KIAA0825: variants seen among roughly 807,000 people sequenced by gnomAD.
KIAA0825 encodes the protein uncharacterized protein KIAA0825.
In KIAA0825, 119 loss-of-function variants were observed where a neutral mutation model predicts 147.6. The ratio of observed to expected loss-of-function variants is 0.81; its 90% CI spans 0.69 to 0.94. The LOEUF is 0.94. Among genes scored for constraint, KIAA0825 ranks in the 40% least tolerant of loss-of-function variants. KIAA0825 has a pLI of 0.00. For missense variants in KIAA0825, 1,381 were observed against 1,472.7 expected, an observed-to-expected ratio of 0.94 and a Z score of 1.02; for synonymous variants, 470 against 518.1, an observed-to-expected ratio of 0.91 and a Z score of 1.26.
rs564316383 is a variant in KIAA0825 at position 94,275,669 on chromosome 5, G to A, written c.3710+108699C>T. On this transcript the variant is annotated intron_variant, in intron 20 of 20. Transcript: ENST00000682413. ...GACAAGATTTCTGTGGTCATGTAAT[G>A]TCAATTTAAAAGACATCACTAAATG... Among the ~76,000 whole-genome samples the A allele has an allele frequency of 2.6e-5, 4 of 152,256 alleles. No individual in the cohort carries two copies. The South Asian group carries it at 8.3e-4, about 32-fold the overall frequency.
At chr5:94,464,072 A>G (rs1158802797) in intron 11 of KIAA0825, among the ~76,000 whole-genome samples, 1 of 151,184 alleles carries the variant, frequency 6.6e-6, no homozygotes, top group Non-Finnish European at 1.5e-5. Context: ...GCCAAAAAAA[A>G]AAAAAAAAAA....
intron 13 of KIAA0825, among the ~76,000 whole-genome samples, chr5:94,440,550 T>C (rs1410478080): frequency 6.6e-6 from 1 of 152,176 alleles, no homozygotes; most frequent in Non-Finnish European, 1.5e-5. Context: ...TAATTTGCTA[T>C]ATAATGTGAT....
intron 20 of KIAA0825, among the ~76,000 whole-genome samples, chr5:94,209,290 A>C (rs1051929827): frequency 2.0e-5 from 3 of 152,218 alleles, no homozygotes; most frequent in East Asian, 3.8e-4. Flanking sequence ...AACACACATA[A>C]CACATACACA....
At chr5:94,475,827 A>G (rs1473309987) in intron 7 of KIAA0825, among the ~76,000 whole-genome samples, 2 of 152,180 alleles carry the variant, frequency 1.3e-5, no homozygotes, top group African/African-American at 4.8e-5. Context: ...AAAGAAAAGA[A>G]AAGAAAAGAA....
intron 20 of KIAA0825, among the ~76,000 whole-genome samples, chr5:94,365,037 C>T (rs1045247681): frequency 1.3e-5 from 2 of 152,084 alleles, no homozygotes; most frequent in African/African-American, 4.8e-5. Flanking sequence ...CAGGCAAAGA[C>T]GCCATTTGCA....
intron 20 of KIAA0825, among the ~76,000 whole-genome samples, chr5:94,209,012 G>T (rs1011947138): frequency 6.6e-6 from 1 of 152,172 alleles, no homozygotes; most frequent in Non-Finnish European, 1.5e-5. Context: ...TACATTTTCA[G>T]TGAGTGCTCT....
At chr5:94,329,946 T>C (rs1461382626) in intron 20 of KIAA0825, among the ~76,000 whole-genome samples, 2 of 151,876 alleles carry the variant, frequency 1.3e-5, no homozygotes, top group African/African-American at 4.8e-5. Context: ...GCAGACAGAG[T>C]AAGATGAAGA....
At chr5:94,460,704 T>C (rs1759712370) in intron 12 of KIAA0825, among the ~76,000 whole-genome samples, 1 of 152,072 alleles carries the variant, frequency 6.6e-6, no homozygotes. Context: ...TCAGTAGAGT[T>C]CTTGCAACAC....
intron 20 of KIAA0825, among the ~76,000 whole-genome samples, chr5:94,382,502 A>G (rs1748556986): frequency 6.6e-6 from 1 of 152,196 alleles, no homozygotes; most frequent in South Asian, 2.1e-4. Context: ...AATCCTTCTA[A>G]GGTGGATCAA....
At chr5:94,244,569 T>C (rs991050010) in intron 20 of KIAA0825, among the ~76,000 whole-genome samples, 1 of 152,166 alleles carries the variant, frequency 6.6e-6, no homozygotes, top group Non-Finnish European at 1.5e-5. Context: ...ACTCCTTGTC[T>C]CAAGCAATCC....
intron 20 of KIAA0825, among the ~76,000 whole-genome samples, chr5:94,189,009 G>A (rs556707301): frequency 1.3e-5 from 2 of 152,180 alleles, no homozygotes; most frequent in Admixed American, 6.5e-5. Flanking sequence ...AGTAATTTAC[G>A]TTTCCCTGAG....
At chr5:94,540,810 A>G (rs1027565812) in intron 2 of KIAA0825, among the ~76,000 whole-genome samples, 1 of 152,234 alleles carries the variant, frequency 6.6e-6, no homozygotes, top group African/African-American at 2.4e-5. Context: ...TAAGGTCATA[A>G]ACTGCTTAAC....
intron 20 of KIAA0825, among the ~76,000 whole-genome samples, chr5:94,184,574 T>A (rs1769951979): frequency 6.6e-6 from 1 of 152,188 alleles, no homozygotes; most frequent in African/African-American, 2.4e-5. Flanking sequence ...AGACTCTATC[T>A]TGTCTATATT....
At chr5:94,202,321 G>A in intron 20 of KIAA0825, among the ~76,000 whole-genome samples, 1 of 152,182 alleles carries the variant, frequency 6.6e-6, no homozygotes, top group Non-Finnish European at 1.5e-5. Flanking sequence ...GAAGATTAGA[G>A]GTCCTAGCCT....
intron 2 of KIAA0825, among the ~76,000 whole-genome samples, chr5:94,560,417 C>A (rs1777339264): frequency 6.6e-6 from 1 of 152,186 alleles, no homozygotes; most frequent in South Asian, 2.1e-4. Context: ...TAACCATTTA[C>A]CTAATTGCCC....
intron 6 of KIAA0825, among the ~76,000 whole-genome samples, chr5:94,481,815 T>C (rs1762526740): frequency 6.6e-6 from 1 of 152,076 alleles, no homozygotes; most frequent in Admixed American, 6.6e-5. Flanking sequence ...AAACCCTAAG[T>C]GTTCTTCTTA....
rs1311382017 is a variant in KIAA0825, at chr5:94,396,487, C to T, written c.2910G>A (p.Gln970=). The change falls in exon 17 of 21, where the codon CAG becomes CAA. Residue 970 remains glutamine, a synonymous_variant. Coordinates refer to ENST00000682413, the MANE Select transcript of KIAA0825 (RefSeq NM_001145678.3). The part of the protein sequence containing the change: ...SCKSFTRLTA[Q]AVSIVISKLP... ...ACTTGCTGATTACAATAGATACTGC[C>T]TGAGCAGTAAGCCTTGTGAAGCCTG... 2 of 1,501,248 alleles carry T rather than the reference C, an allele frequency of 1.3e-6. No individual in the cohort carries two copies. The highest frequency in any genetic ancestry group is 1.4e-5 in the African/African-American group (1 of 70,956). The allele number at this position is 1,501,248 out of a possible 1,614,324, so 93.0% of individuals were successfully genotyped here.
chr5:94,468,802 C>T (rs1164488953), intron 10 of KIAA0825, among the ~76,000 whole-genome samples: 1 of 152,134 alleles, frequency 6.6e-6, no homozygotes, highest in Non-Finnish European at 1.5e-5. Context: ...CTCTGTTTTT[C>T]TCAATACTCT....
chr5:94,594,130 T>A (rs1784839317), intron 1 of KIAA0825: 1 of 551,276 alleles, frequency 1.8e-6, no homozygotes, highest in South Asian at 1.4e-5. Flanking sequence ...ACTTGAATAT[T>A]TTCCTGAATA....
Sources: allele counts gnomAD v4.1 joint callset (sites outside exome capture counted in the v4.1 genomes callset), GRCh38; gene constraint gnomAD v4.1.1; transcripts MANE v1.5; gene names NCBI Gene and HGNC (gene_info 2026-07-23, HGNC 2026-07-21).